ARMC9: variants seen among roughly 807,000 people sequenced by gnomAD.
The protein encoded by ARMC9 is lisH domain-containing protein ARMC9.
Under a neutral mutation model 107.0 loss-of-function variants are expected in ARMC9, and 94 were observed. The observed-to-expected ratio is 0.88, with a 90% CI of 0.74 to 1.04. The LOEUF (loss-of-function observed/expected upper bound fraction) is 1.04, where lower values mean the gene tolerates loss of function less well. ARMC9 is among the 50% of genes least tolerant of loss of function. ARMC9 has a pLI of 0.00. For missense variants in ARMC9, 942 were observed against 1,030.1 expected (o/e 0.91, Z 1.17); for synonymous variants, 380 against 396.9 (o/e 0.96, Z 0.51).
intron 20 of ARMC9, among the ~76,000 whole-genome samples, chr2:231,335,644 G>A (rs537996582): frequency 2.0e-5 from 3 of 152,192 alleles, no homozygotes; most frequent in Non-Finnish European, 2.9e-5. Context: ...TTGCTTACTC[G>A]TAATTCTAGT....
intron 19 of ARMC9, among the ~76,000 whole-genome samples, chr2:231,299,926 G>A (rs1382799438): frequency 6.6e-6 from 1 of 152,142 alleles, no homozygotes; most frequent in African/African-American, 2.4e-5. Flanking sequence ...GTTATTTAAG[G>A]ATTCAAATGC....
chr2:231,300,159 A>G (rs888744880), intron 19 of ARMC9, among the ~76,000 whole-genome samples: 1 of 152,196 alleles, frequency 6.6e-6, no homozygotes, highest in Non-Finnish European at 1.5e-5. Context: ...GCTATTCTAG[A>G]AGACTGATTT....
intron 3 of ARMC9, among the ~76,000 whole-genome samples, chr2:231,209,298 T>A (rs964630568): frequency 6.6e-6 from 1 of 152,174 alleles, no homozygotes. Flanking sequence ...GGAGGATCAC[T>A]TGAGCCTGGG....
At chr2:231,267,999 G>A (rs753530798) in intron 12 of ARMC9, among the ~76,000 whole-genome samples, 12 of 152,182 alleles carry the variant, frequency 7.9e-5, no homozygotes, top group Non-Finnish European at 1.6e-4. Context: ...TACCTGTGAT[G>A]TATTTGTAAA....
At position 231,273,147 on chromosome 2, in the gene ARMC9, C is replaced by G; in HGVS notation, c.1334+69C>G. ...ATTGAGTTAAAATTCCCATGGCAAC[C>G]CAGGAGGCAGATGGTATTTTTCCAC... is the stretch of plus-strand genomic sequence containing the variant. On this transcript the variant is annotated intron_variant, in intron 14 of 24. Coordinates refer to ENST00000611582, the MANE Select transcript of ARMC9 (RefSeq NM_001352754.2). 5 of 1,548,616 alleles carry G rather than the reference C, an allele frequency of 3.2e-6. No homozygotes were observed. In the South Asian group the frequency reaches 3.7e-5, roughly 11 times the overall value.
rs72180870 is a variant in ARMC9, at chr2:231,213,164, C to CTT, written c.178-1653_178-1652dup. ...GGAAAATTATCTGTAAACGTTTTTTCTTTTTTTTTTTTTTTCTGAGACAGG... is the reference window on the plus strand; with the variant it reads ...GGAAAATTATCTGTAAACGTTTTTTCTTTTTTTTTTTTTTTTTCTGAGACAGG... On this transcript the variant is annotated intron_variant, in intron 3 of 24. Coordinates refer to ENST00000611582, the MANE Select transcript of ARMC9 (RefSeq NM_001352754.2). Among the ~76,000 whole-genome samples, 203 of 137,648 alleles carry CTT rather than the reference C, an allele frequency of 1.5e-3. 1 individual carries two copies. Among genetic ancestry groups the CTT allele is most frequent in the African/African-American group, 4.0e-3 (148 of 37,354 alleles). The allele number at this position is 137,648 out of a possible 152,430, so 90.3% of individuals were successfully genotyped here.
intron 9 of ARMC9, among the ~76,000 whole-genome samples, chr2:231,254,817 C>T (rs1184796651): frequency 1.3e-5 from 2 of 152,106 alleles, no homozygotes; most frequent in Non-Finnish European, 2.9e-5. Context: ...CAATAAATGG[C>T]ATTTCACTAA....
At chr2:231,258,749 C>G (rs967733455) in intron 10 of ARMC9, among the ~76,000 whole-genome samples, 4 of 152,122 alleles carry the variant, frequency 2.6e-5, no homozygotes, top group African/African-American at 9.7e-5. Flanking sequence ...GGCAAAGACT[C>G]CTTGTTTTAG....
At chr2:231,214,462 G>T (rs2033266607) in intron 3 of ARMC9, among the ~76,000 whole-genome samples, 1 of 152,208 alleles carries the variant, frequency 6.6e-6, no homozygotes. Context: ...GCTAGACTTG[G>T]TCTGGATAGC....
chr2:231,259,653 T>G (rs1474634822), intron 11 of ARMC9, among the ~76,000 whole-genome samples: 1 of 152,152 alleles, frequency 6.6e-6, no homozygotes, highest in African/African-American at 2.4e-5. Flanking sequence ...GAGCTTTCAT[T>G]TACGTGAATT....
Position 231,239,977 on chromosome 2 carries a change from G to A in ARMC9, c.815G>A (p.Arg272His), listed in dbSNP as rs760933165. 9 of 1,613,888 alleles carry A rather than the reference G, an allele frequency of 5.6e-6. No individual in the cohort carries two copies. Among genetic ancestry groups the A allele is most frequent in the African/African-American group, 2.7e-5 (2 of 74,918 alleles). The change falls in exon 9 of 25, where the codon CGC becomes CAC. Residue 272 changes from arginine (R) to histidine (H), a missense_variant. Physicochemically the swap from Arg to His is conservative, Grantham distance 29. Transcript: ENST00000611582. ...GAGTACCTCCAGAGCGTCTGTGTCC[G>A]CCTGTTCAGTAACCAGATGCGGCAG... Reference protein sequence around the residue: ...TPEYLQSVCVRLFSNQMRQSL... With the variant: ...TPEYLQSVCVHLFSNQMRQSL...
intron 19 of ARMC9, among the ~76,000 whole-genome samples, chr2:231,312,194 C>T (rs942605013): frequency 6.6e-6 from 1 of 152,152 alleles, no homozygotes; most frequent in Non-Finnish European, 1.5e-5. Context: ...CCGGAAGGTT[C>T]GAGGTGGTTT....
At chr2:231,276,908 G>A (rs775937549) in intron 15 of ARMC9, 133 bp downstream of exon 15, 434 of 1,294,084 alleles carry the variant, frequency 3.4e-4, no homozygotes, top group Non-Finnish European at 4.1e-4. Context: ...GGAGTAGAAA[G>A]CATTTCCAAC....
chr2:231,205,006 G>A (rs2031745101), intron 1 of ARMC9, among the ~76,000 whole-genome samples: 1 of 152,080 alleles, frequency 6.6e-6, no homozygotes, highest in Non-Finnish European at 1.5e-5. Context: ...TAAAAGTGTA[G>A]AAATTGGATT....
chr2:231,363,171 T>A (rs2045662420), intron 23 of ARMC9, among the ~76,000 whole-genome samples: 1 of 152,254 alleles, frequency 6.6e-6, no homozygotes, highest in South Asian at 2.1e-4. Flanking sequence ...GCAGGGCATC[T>A]GTGCTGTGCT....
intron 23 of ARMC9, among the ~76,000 whole-genome samples, chr2:231,366,123 G>A (rs375551965): frequency 6.6e-6 from 1 of 152,228 alleles, no homozygotes; most frequent in African/African-American, 2.4e-5. Context: ...GAATCTGATG[G>A]GGTAGACCAG....
chr2:231,270,547 A>G (rs2039233624), intron 12 of ARMC9: 1 of 455,326 alleles, frequency 2.2e-6, no homozygotes. Flanking sequence ...CACTTCCAGA[A>G]TTGTGGCGTT....
intron 19 of ARMC9, among the ~76,000 whole-genome samples, chr2:231,313,040 G>A (rs2042446794): frequency 6.6e-6 from 1 of 151,940 alleles, no homozygotes; most frequent in Non-Finnish European, 1.5e-5. Context: ...GTTTTTTTCT[G>A]TCTACTCATT....
intron 19 of ARMC9, among the ~76,000 whole-genome samples, chr2:231,324,302 A>AT (rs1354741552): frequency 1.1e-4 from 16 of 151,056 alleles, no homozygotes; most frequent in African/African-American, 3.4e-4. Context: ...TAATTTTTGT[A>AT]TTTTTAGTAA....
Sources: gnomAD v4.1 joint callset for allele counts (sites outside exome capture counted in the v4.1 genomes callset) on GRCh38, gnomAD v4.1.1 for gene constraint, MANE v1.5 for transcripts, NCBI Gene and HGNC (gene_info 2026-07-23, HGNC 2026-07-21) for gene names.